DAPK2: variants seen among roughly 807,000 people sequenced by gnomAD.
The protein encoded by DAPK2 is death-associated protein kinase 2.
In DAPK2, 35 loss-of-function variants were observed where a neutral mutation model predicts 44.1. That is an observed-to-expected ratio of 0.79 (90% confidence interval 0.61 to 1.05). The LOEUF is 1.05. Among genes scored for constraint, DAPK2 ranks in the 50% least tolerant of loss-of-function variants. DAPK2 has a pLI of 0.00. For missense variants in DAPK2, 453 were observed against 483.2 expected (o/e 0.94, Z 0.59); for synonymous variants, 174 against 182.6 (o/e 0.95, Z 0.38).
At chr15:63,945,521 G>A (rs1214191552) in intron 3 of DAPK2, among the ~76,000 whole-genome samples, 1 of 152,170 alleles carries the variant, frequency 6.6e-6, no homozygotes, top group Non-Finnish European at 1.5e-5. Flanking sequence ...ACGGCACTAA[G>A]GGAGGGTCCA....
intron 4 of DAPK2, among the ~76,000 whole-genome samples, chr15:63,937,995 T>C (rs1221834188): frequency 6.6e-6 from 1 of 152,184 alleles, no homozygotes; most frequent in African/African-American, 2.4e-5. Flanking sequence ...TCACCTAATA[T>C]CTGTCATACA....
At chr15:64,015,557 C>G (rs2079503019) in intron 1 of DAPK2, among the ~76,000 whole-genome samples, 1 of 152,164 alleles carries the variant, frequency 6.6e-6, no homozygotes. Flanking sequence ...ATATTCTAAC[C>G]CCTGGCACAT....
At chr15:63,930,271 G>A (rs900324620) in intron 5 of DAPK2, 136 bp downstream of exon 6, 24 of 891,526 alleles carry the variant, frequency 2.7e-5, no homozygotes, top group Non-Finnish European at 4.4e-5. Context: ...CACATCGGGG[G>A]AGCAGCCAGA....
chr15:64,039,171 T>C (rs917048379), intron 1 of DAPK2, among the ~76,000 whole-genome samples: 8 of 152,206 alleles, frequency 5.3e-5, no homozygotes, highest in African/African-American at 1.9e-4. Flanking sequence ...TCCTCAATCT[T>C]GACAAAATAA....
At position 64,040,150 on chromosome 15, in the gene DAPK2, C is replaced by A; in HGVS notation, c.92+20G>T. 6.2e-7 allele frequency: 1 copy of A among 1,601,610 alleles called. No homozygotes were observed. The highest frequency in any genetic ancestry group is 8.6e-7 in the Non-Finnish European group (1 of 1,168,708). On this transcript the variant is annotated intron_variant, in intron 1 of 10. Transcript: ENST00000261891. ...CTTTGGCTCCCTCGGCATCCCCCCA[C>A]CTCTCACACAGTCTCCTACCTCCCC...
At chr15:64,035,146 C>T (rs369868877) in intron 1 of DAPK2, among the ~76,000 whole-genome samples, 18 of 148,842 alleles carry the variant, frequency 1.2e-4, no homozygotes, top group South Asian at 8.6e-4. Flanking sequence ...CCAGCCTGGG[C>T]GACAGAATGA....
At chr15:64,007,027 C>T (rs147036302) in intron 1 of DAPK2, among the ~76,000 whole-genome samples, 189 of 152,226 alleles carry the variant, frequency 1.2e-3, no homozygotes, top group Admixed American at 2.9e-3. Context: ...GGTGGGCCCA[C>T]CCTCACTTTA....
intron 8 of DAPK2, among the ~76,000 whole-genome samples, chr15:63,915,789 C>G (rs995685632): frequency 1.3e-5 from 2 of 152,216 alleles, no homozygotes; most frequent in Non-Finnish European, 2.9e-5. Context: ...GTCAGGCTGG[C>G]CTTTCCTAAT....
rs115352112 is a variant in DAPK2 at position 63,956,984 on chromosome 15, T to C, written c.453+14439A>G. The stretch of plus-strand genomic sequence containing the variant: ...GAATGTGTATTCTGCAACTATTAGA[T>C]GAAACGTTCTGTAAATATCTATTAG... On this transcript the variant is annotated intron_variant, in intron 3 of 10. Transcript: ENST00000261891. Among the ~76,000 whole-genome samples the C allele has an allele frequency of 8.5e-3, 1,298 of 152,354 alleles. 26 individuals are homozygous for C. Among genetic ancestry groups the C allele is most frequent in the African/African-American group, 0.029 (1,224 of 41,582 alleles).
chr15:63,930,435 C>G (rs774205620), exon 5 of DAPK2: 29 of 1,614,038 alleles, frequency 1.8e-5, no homozygotes, highest in Middle Eastern at 1.6e-4. Flanking sequence ...CCCAGGGGCT[C>G]GTAGTTCACA....
rs531875724 is a variant in DAPK2, at chr15:63,970,131, C to T, written c.453+1292G>A. On this transcript the variant is annotated intron_variant, in intron 3 of 10. Transcript: ENST00000261891. ...TCTCCAGCCTATCCATCCTCCCAGC[C>T]AGAGGGATCACTCTGAAACAAGTAC... Among the ~76,000 whole-genome samples, 301 of 152,350 alleles carry T rather than the reference C, an allele frequency of 2.0e-3. 1 individual carries two copies. Among genetic ancestry groups the T allele is most frequent in the African/African-American group, 6.6e-3 (275 of 41,580 alleles).
chr15:63,913,002 A>T (rs1172683158), intron 8 of DAPK2, among the ~76,000 whole-genome samples: 8 of 152,222 alleles, frequency 5.3e-5, no homozygotes. Flanking sequence ...ATACAAAGGA[A>T]TATTAGTCAG....
chr15:64,020,396 A>G lies in DAPK2; in HGVS notation c.92+19774T>C, dbSNP rs2079649602. On this transcript the variant is annotated intron_variant, in intron 1 of 10. Coordinates refer to ENST00000261891, the Ensembl canonical transcript of DAPK2. This position sits in a 1 kb window ranked among gnomAD's most constrained non-coding sequence, Gnocchi z 4.5. The stretch of plus-strand genomic sequence containing the variant: ...CTGGGCACTTGCTCTGAAATGGTCA[A>G]TTTCACAGGGGTCTTCCCCAAGAGT... Among the ~76,000 whole-genome samples the G allele has an allele frequency of 6.6e-6, 1 of 152,224 alleles. No homozygotes were observed. The highest frequency in any genetic ancestry group is 1.5e-5 in the Non-Finnish European group (1 of 68,038).
intron 2 of DAPK2, among the ~76,000 whole-genome samples, chr15:63,975,180 A>G (rs909971683): frequency 1.3e-5 from 2 of 152,140 alleles, no homozygotes; most frequent in African/African-American, 4.8e-5. Context: ...CATGGGCCCA[A>G]AGGGAAAGAT....
chr15:63,942,740 A>T (rs1338011890), intron 3 of DAPK2, among the ~76,000 whole-genome samples: 6 of 151,806 alleles, frequency 4.0e-5, no homozygotes, highest in Non-Finnish European at 8.8e-5. Context: ...AAACCTGGCT[A>T]GTTCCTATTC....
At chr15:63,967,723 C>CG (rs536098775) in intron 3 of DAPK2, among the ~76,000 whole-genome samples, 18 of 152,240 alleles carry the variant, frequency 1.2e-4, no homozygotes, top group Admixed American at 1.2e-3. Context: ...TTGTCGGCTC[C>CG]CTGCAACGAG....
intron 1 of DAPK2, chr15:63,991,485 C>A (rs896614168): frequency 3.8e-5 from 14 of 364,838 alleles, no homozygotes; most frequent in Non-Finnish European, 7.0e-5. Context: ...TTGACGATGG[C>A]TTTGAAATTT....
intron 2 of DAPK2, among the ~76,000 whole-genome samples, chr15:63,978,437 G>A (rs1370725604): frequency 6.6e-6 from 1 of 152,222 alleles, no homozygotes; most frequent in Admixed American, 6.5e-5. Flanking sequence ...GTTGAGGGAG[G>A]ACTTTGGGGT....
At chr15:63,920,744 T>A (rs907944560) in intron 8 of DAPK2, 1 of 152,322 alleles carries the variant, frequency 6.6e-6, no homozygotes, top group East Asian at 1.9e-4. Flanking sequence ...ACTTTCGGGA[T>A]AAGGGCAGAG....
Sources: allele counts gnomAD v4.1 joint callset (sites outside exome capture counted in the v4.1 genomes callset), GRCh38; gene constraint gnomAD v4.1.1; non-coding constraint Gnocchi (gnomAD v3.1); transcripts MANE v1.5; gene names NCBI Gene and HGNC (gene_info 2026-07-23, HGNC 2026-07-21).